The following PARP4 variants were observed in gnomAD, a reference collection of about 807,000 sequenced individuals.
PARP4 encodes poly(ADP-ribose) polymerase family member 4.
PARP4 carries 120 observed loss-of-function variants against 187.7 expected under a neutral mutation model. That is an observed-to-expected ratio of 0.64 (90% CI 0.55 to 0.74). The LOEUF is 0.74. PARP4 is among the 30% of genes least tolerant of loss of function. The pLI is 0.00. For synonymous variants in PARP4, 654 were observed against 740.9 expected, an observed-to-expected ratio of 0.88 and a Z score of 1.90; for missense variants, 1,836 against 2,070.5, an observed-to-expected ratio of 0.89 and a Z score of 2.20.
At chr13:24,434,054 T>C (rs2137440290) in intron 31 of PARP4, among the ~76,000 whole-genome samples, 1 of 152,324 alleles carries the variant, frequency 6.6e-6, no homozygotes, top group East Asian at 1.9e-4. Flanking sequence ...TTACAATCCA[T>C]TAGTTCTAGA....
At chr13:24,483,414 A>T (rs1873382811) in intron 12 of PARP4, among the ~76,000 whole-genome samples, 1 of 124,892 alleles carries the variant, frequency 8.0e-6, no homozygotes. Flanking sequence ...TGAACCCGGG[A>T]AGCGGAGCTT....
At chr13:24,478,460 G>A (rs1006282617) in intron 12 of PARP4, among the ~76,000 whole-genome samples, 184 bp from the exon 13 acceptor site, 1 of 151,788 alleles carries the variant, frequency 6.6e-6, no homozygotes, top group African/African-American at 2.4e-5. Context: ...TTTTTAGACA[G>A]AATTTTGCTC....
chr13:24,486,457 G>T (rs1022802859), intron 10 of PARP4, 152 bp from the exon 11 acceptor site: 4 of 577,600 alleles, frequency 6.9e-6, no homozygotes, highest in Non-Finnish European at 1.2e-5. Flanking sequence ...GAAGTATTAT[G>T]TAGGTATTAA....
At chr13:24,495,974 G>A (rs1261532319) in intron 6 of PARP4, among the ~76,000 whole-genome samples, 2 of 152,174 alleles carry the variant, frequency 1.3e-5, no homozygotes, top group African/African-American at 4.8e-5. Context: ...ACCCAGGGGT[G>A]CTCTACACAG....
Position 24,443,723 on chromosome 13 carries a change from TG to T in PARP4, c.3373del (p.His1125ThrfsTer8), listed in dbSNP as rs1181984420. 1 of 1,612,912 alleles carries T rather than the reference TG, an allele frequency of 6.2e-7. No individual in the cohort carries two copies. The highest frequency in any genetic ancestry group is 1.7e-5 in the Admixed American group (1 of 59,990). On this transcript the variant is annotated frameshift_variant, in exon 28 of 34. Transcript: ENST00000381989. LOFTEE classifies it high-confidence loss of function. ...GATTAGAGCTCGGGCTGCCAGCTTG[TG>T]GATCATCTGTGTTTAAGCAGCAAAG... ...ELQKTTGTMI[H>X]KLAARALIRD...
Position 24,478,235 on chromosome 13 carries a change from G to C in PARP4, c.1490C>G (p.Thr497Ser), listed in dbSNP as rs751723078. The C allele has an allele frequency of 1.2e-6, 2 of 1,612,636 alleles. No individual in the cohort carries two copies. The highest frequency in any genetic ancestry group is 1.7e-6 in the Non-Finnish European group (2 of 1,179,162). ...KYSHPGETDGTRLLLICDVAL... is the reference protein window; with the variant it reads ...KYSHPGETDGSRLLLICDVAL... The stretch of plus-strand genomic sequence containing the variant: ...TACGTCACAAATGAGCAGGAGTCTG[G>C]TGCCATCTGTCTCTCCCGGGTGTGA... Residue 497 changes from threonine to serine, a missense_variant, in exon 13 of 34, where the codon ACC becomes AGC. Physicochemically the swap from Thr to Ser is moderately conservative, Grantham distance 58. Transcript: ENST00000381989.
intron 10 of PARP4, among the ~76,000 whole-genome samples, chr13:24,487,492 TGGC>T (rs1312904595): frequency 2.0e-5 from 3 of 152,142 alleles, no homozygotes; most frequent in African/African-American, 7.2e-5. Context: ...GGATTAAAGA[TGGC>T]GGCAGAGTGA....
chr13:24,450,963 C>T (rs565005372), intron 24 of PARP4, among the ~76,000 whole-genome samples: 1 of 152,156 alleles, frequency 6.6e-6, no homozygotes, highest in African/African-American at 2.4e-5. Flanking sequence ...ACAGCCTTGA[C>T]CTCCTGGGCT....
Position 24,440,306 on chromosome 13 carries a change from G to A in PARP4, c.3666+1540C>T, listed in dbSNP as rs900330777. Among the ~76,000 whole-genome samples the A allele has an allele frequency of 5.3e-5, 8 of 149,686 alleles. No individual in the cohort carries two copies. In the South Asian group the frequency reaches 6.3e-4, roughly 12 times the overall value. On this transcript the variant is annotated intron_variant, in intron 30 of 33. Coordinates refer to ENST00000381989, the MANE Select transcript of PARP4 (RefSeq NM_006437.4). ...TCAGCAACTCAGGAGACTGAGGAAC[G>A]AGAATTGCTTGAACCCAGGAGGTAG... is the stretch of plus-strand genomic sequence containing the variant.
intron 20 of PARP4, 56 bp downstream of exon 20, chr13:24,458,988 A>G (rs972421990): frequency 2.1e-5 from 26 of 1,236,738 alleles, no homozygotes; most frequent in Middle Eastern, 2.3e-4. Flanking sequence ...CATTGCTTTG[A>G]TAAGATAAAA....
Position 24,475,532 on chromosome 13 carries a change from C to G in PARP4, c.1854G>C (p.Gly618=). 2 of 1,613,906 alleles carry G rather than the reference C, an allele frequency of 1.2e-6. No individual in the cohort carries two copies. Among genetic ancestry groups the G allele is most frequent in the Admixed American group, 1.7e-5 (1 of 60,016 alleles). Residue 618 remains glycine (G), a synonymous_variant, in exon 15 of 34, where the codon GGG becomes GGC. Coordinates refer to ENST00000381989, the MANE Select transcript of PARP4 (RefSeq NM_006437.4). ...STKAGLQDAS[G]NLVPLEDVHI... ...GGACATCCTCCAGAGGAACCAAGTT[C>G]CCAGAGGCATCCTGGAGGCCGGCCT...
intron 24 of PARP4, chr13:24,452,133 T>G: frequency 2.9e-6 from 1 of 346,982 alleles, no homozygotes; most frequent in Non-Finnish European, 5.2e-6. Flanking sequence ...CATTTATTCC[T>G]CAGCAATCCT....
chr13:24,507,214 G>A (rs1031459917), intron 1 of PARP4, among the ~76,000 whole-genome samples: 5 of 152,310 alleles, frequency 3.3e-5, no homozygotes, highest in South Asian at 4.1e-4. Flanking sequence ...CTCCGGCCTC[G>A]CCAGCTCAGA....
intron 1 of PARP4, among the ~76,000 whole-genome samples, chr13:24,511,256 T>C (rs554573068): frequency 1.1e-4 from 16 of 152,118 alleles, no homozygotes; most frequent in Non-Finnish European, 2.1e-4. Context: ...AGCCCTCTTC[T>C]GGGTTAACAG....
Position 24,488,511 on chromosome 13 carries a change from G to A in PARP4, c.1214+2157C>T, listed in dbSNP as rs773793939. Among the ~76,000 whole-genome samples the A allele has an allele frequency of 1.3e-4, 20 of 152,014 alleles. 1 individual carries two copies. Among genetic ancestry groups the A allele is most frequent in the Non-Finnish European group, 5.9e-5 (4 of 68,000 alleles). ...TGGAACCACAAACGTGTGCCACCAT[G>A]CCCGGCTAATTTTTGTATTTTTAGT... On this transcript the variant is annotated intron_variant, in intron 10 of 33. Coordinates refer to ENST00000381989, the MANE Select transcript of PARP4 (RefSeq NM_006437.4).
chr13:24,449,115 G>A (rs1019017744), intron 25 of PARP4, among the ~76,000 whole-genome samples: 6 of 152,152 alleles, frequency 3.9e-5, no homozygotes, highest in Admixed American at 2.6e-4. Context: ...ATGGCCAGGC[G>A]CGGTGGCTCA....
At chr13:24,460,806 G>C (rs1872182406) in intron 17 of PARP4, among the ~76,000 whole-genome samples, 1 of 152,142 alleles carries the variant, frequency 6.6e-6, no homozygotes, top group Non-Finnish European at 1.5e-5. Flanking sequence ...CTCTTAAGTA[G>C]ATGGGACTAC....
At chr13:24,475,960 T>C (rs1158009564) in intron 14 of PARP4, among the ~76,000 whole-genome samples, 1 of 152,068 alleles carries the variant, frequency 6.6e-6, no homozygotes, top group African/African-American at 2.4e-5. Flanking sequence ...AATTTTTTGG[T>C]ATTTTTTGTA....
chr13:24,511,490 G>T (rs1870016712), intron 1 of PARP4, among the ~76,000 whole-genome samples: 2 of 152,148 alleles, frequency 1.3e-5, no homozygotes, highest in African/African-American at 4.8e-5. Context: ...TCCACCCAAA[G>T]ACAGCAGGGA....
Sources: allele counts gnomAD v4.1 joint callset (sites outside exome capture counted in the v4.1 genomes callset), GRCh38; gene constraint gnomAD v4.1.1; transcripts MANE v1.5; gene names NCBI Gene and HGNC (gene_info 2026-07-23, HGNC 2026-07-21).